DRGX: variants seen among roughly 807,000 people sequenced by gnomAD.
DRGX encodes the protein dorsal root ganglia homeobox.
A neutral mutation model predicts 28.6 loss-of-function variants in DRGX; 21 were observed. The ratio of observed to expected loss-of-function variants is 0.73; its 90% CI spans 0.52 to 1.06. The LOEUF (loss-of-function observed/expected upper bound fraction) is 1.06. Ranked by LOEUF, DRGX falls within the 50% of genes least tolerant of loss-of-function variation. DRGX has a pLI of 0.00. For missense variants in DRGX, 354 were observed against 343.9 expected (o/e 1.03, Z -0.23); for synonymous variants, 136 against 139.1 (o/e 0.98, Z 0.16).
intron 6 of DRGX, among the ~76,000 whole-genome samples, chr10:49,383,500 C>G (rs538612730): frequency 1.7e-4 from 26 of 152,312 alleles, no homozygotes; most frequent in African/African-American, 6.3e-4. Flanking sequence ...TGTCACAAAA[C>G]AGCAGGGCCA....
In DRGX at chr10:49,371,791, C is replaced by CAAAAA. The variant is rs563658320; in HGVS notation, c.527-5415_527-5411dup. On this transcript the variant is annotated intron_variant, in intron 6 of 6. Transcript: ENST00000374139. Reference sequence around the variant, plus strand: ...TGGACAACAGAGTGAGACTCCATCTCAAAAAAAAAAAAAAAAAAAAAAGCC... The same window carrying CAAAAA: ...TGGACAACAGAGTGAGACTCCATCTCAAAAAAAAAAAAAAAAAAAAAAAAAAAGCC... Among the ~76,000 whole-genome samples the CAAAAA allele has an allele frequency of 9.5e-3, 430 of 45,470 alleles. 31 individuals carry two copies. Among genetic ancestry groups the CAAAAA allele is most frequent in the African/African-American group, 0.027 (403 of 15,084 alleles). The allele number at this position is 45,470 out of a possible 152,430, so 29.8% of individuals were successfully genotyped here. A position where few individuals can be genotyped will look rare whatever the true frequency, so the allele number is the denominator to read the frequency against.
intron 2 of DRGX, among the ~76,000 whole-genome samples, chr10:49,394,519 G>C (rs1007394065): frequency 6.6e-6 from 1 of 152,352 alleles, no homozygotes; most frequent in Admixed American, 6.5e-5. Flanking sequence ...TGAGACTGCT[G>C]CTCTGCAGAA....
Position 49,386,756 on chromosome 10 carries a change from G to T in DRGX, c.337C>A (p.Pro113Thr), listed in dbSNP as rs1056640571. The stretch of plus-strand genomic sequence containing the variant: ...GGCGGGGAGTTGATGTTTCTCACTG[G>T]AGGAGGTGTCACCTCTGCCATGGGC... ...KEPMAEVTPP[P>T]VRNINSPPPG... The change falls in exon 5 of 7, where the codon CCA becomes ACA. Residue 113 changes from proline (P) to threonine (T), a missense_variant. Pro to Thr is a conservative substitution (Grantham distance 38). Coordinates refer to ENST00000374139, the MANE Select transcript of DRGX (RefSeq NM_001276451.2). 12 of 1,610,132 alleles carry T rather than the reference G, an allele frequency of 7.5e-6. No individual in the cohort carries two copies. The highest frequency in any genetic ancestry group is 1.0e-5 in the Non-Finnish European group (12 of 1,178,232).
intron 6 of DRGX, among the ~76,000 whole-genome samples, chr10:49,383,427 G>C (rs1315482058): frequency 6.6e-6 from 1 of 152,184 alleles, no homozygotes. Context: ...AGCTTTGCTG[G>C]GGGCAGGAGG....
In DRGX at chr10:49,366,084, G is replaced by T. The variant is rs779170357; in HGVS notation, c.*32C>A. 2.6e-6 allele frequency: 4 copies of T among 1,515,650 alleles called. No individual in the cohort carries two copies. Among genetic ancestry groups the T allele is most frequent in the Non-Finnish European group, 3.5e-6 (4 of 1,130,426 alleles). 93.9% of individuals were successfully genotyped at this position (1,515,650 alleles called of 1,614,324 possible). A position where few individuals can be genotyped will look rare whatever the true frequency, so the allele number is the denominator to read the frequency against. On this transcript the variant is annotated 3_prime_UTR_variant, in exon 7 of 7. Coordinates refer to ENST00000374139, the MANE Select transcript of DRGX (RefSeq NM_001276451.2). ...TGAGGCTGGGAGAAGGAGGGGCGGG[G>T]GAGGGCAGGCCGGGCGGGGCACTGT...
chr10:49,384,231 T>C (rs1231692840), intron 6 of DRGX, among the ~76,000 whole-genome samples: 1 of 152,168 alleles, frequency 6.6e-6, no homozygotes, highest in African/African-American at 2.4e-5. Flanking sequence ...AAGAGCTCAT[T>C]TGTAACTGGG....
chr10:49,393,654 G>A (rs546274073), intron 2 of DRGX, among the ~76,000 whole-genome samples: 1 of 152,306 alleles, frequency 6.6e-6, no homozygotes, highest in Admixed American at 6.5e-5. Flanking sequence ...TCCATTTGCG[G>A]GAGATCCCTT....
chr10:49,395,428 G>T lies in DRGX; in HGVS notation c.13C>A (p.His5Asn). The T allele has an allele frequency of 6.5e-7, 1 of 1,550,340 alleles. No individual in the cohort carries two copies. Among genetic ancestry groups the T allele is most frequent in the East Asian group, 2.4e-5 (1 of 40,908 alleles). MFYF[H>N]CPPQLEGTAT... is the part of the protein sequence containing the mutation. ...TTACCCTCTAGCTGTGGCGGGCAGT[G>T]GAAATAAAACATCGCCGGCTGTCAG... is the stretch of plus-strand genomic sequence containing the variant. Residue 5 changes from histidine to asparagine, a missense_variant, in exon 2 of 7, where the codon CAC becomes AAC. His to Asn is a moderately conservative substitution (Grantham distance 68). Transcript: ENST00000374139.
intron 6 of DRGX, among the ~76,000 whole-genome samples, chr10:49,377,443 C>T (rs1275769572): frequency 1.3e-5 from 2 of 152,246 alleles, no homozygotes; most frequent in Non-Finnish European, 2.9e-5. Context: ...CCAGGACTCA[C>T]ACCCACGTGC....
chr10:49,373,716 G>C (rs764164256), intron 6 of DRGX, among the ~76,000 whole-genome samples: 59 of 152,134 alleles, frequency 3.9e-4, no homozygotes, highest in Non-Finnish European at 8.1e-4. Context: ...AGAACTGTGA[G>C]AAATAAATTT....
chr10:49,395,292 G>T, intron 2 of DRGX, 115 bp downstream of exon 2: 2 of 1,336,898 alleles, frequency 1.5e-6, no homozygotes, highest in Non-Finnish European at 2.1e-6. Context: ...TCACCGGCAG[G>T]CGGCTGCGCC....
intron 2 of DRGX, chr10:49,392,005 C>A: frequency 2.6e-6 from 1 of 385,406 alleles, no homozygotes; most frequent in Non-Finnish European, 5.2e-6. Context: ...ACCACTTCTA[C>A]TTCCCCACAA....
chr10:49,383,714 T>A (rs1849802179), intron 6 of DRGX, among the ~76,000 whole-genome samples: 1 of 152,212 alleles, frequency 6.6e-6, no homozygotes, highest in Non-Finnish European at 1.5e-5. Context: ...TCGTGCCCTC[T>A]TAAGAAGAGT....
chr10:49,375,150 C>A (rs1292613741), intron 6 of DRGX, among the ~76,000 whole-genome samples: 1 of 152,194 alleles, frequency 6.6e-6, no homozygotes, highest in African/African-American at 2.4e-5. Flanking sequence ...ACACTGTCTT[C>A]TACTAAAGGA....
chr10:49,392,113 G>T (rs1849913092), intron 2 of DRGX, among the ~76,000 whole-genome samples: 1 of 152,212 alleles, frequency 6.6e-6, no homozygotes, highest in African/African-American at 2.4e-5. Context: ...TTCCAAATGT[G>T]CTCTATTTAC....
intron 6 of DRGX, among the ~76,000 whole-genome samples, chr10:49,384,529 G>A (rs990532063): frequency 2.0e-5 from 3 of 152,226 alleles, no homozygotes; most frequent in African/African-American, 7.2e-5. Context: ...GGCAGGCATG[G>A]GGCAGGCTCC....
In DRGX at chr10:49,365,824, T is replaced by C. The variant is rs1056745212; in HGVS notation, c.*292A>G. On this transcript the variant is annotated 3_prime_UTR_variant, in exon 7 of 7. Transcript: ENST00000374139. ...AGGAATCTACCTCCCTCCGAGACTC[T>C]GGGCCTGGATGGAAATCCCAGGGAG... 6.3e-6 allele frequency: 2 copies of C among 315,962 alleles called. No homozygotes were observed. The highest frequency in any genetic ancestry group is 2.2e-5 in the African/African-American group (1 of 46,506). 19.6% of individuals were successfully genotyped at this position (315,962 alleles called of 1,614,324 possible). A position where few individuals can be genotyped will look rare whatever the true frequency, so the allele number is the denominator to read the frequency against.
intron 3 of DRGX, 21 bp downstream of exon 3, chr10:49,391,143 A>G (rs776103720): frequency 3.1e-6 from 5 of 1,612,814 alleles, no homozygotes; most frequent in Non-Finnish European, 4.2e-6. Flanking sequence ...TGATGTTTGA[A>G]AGGAGAATCA....
Position 49,365,401 on chromosome 10 carries a change from A to G in DRGX, c.*715T>C, listed in dbSNP as rs899103811. On this transcript the variant is annotated 3_prime_UTR_variant, in exon 7 of 7. Coordinates refer to ENST00000374139, the MANE Select transcript of DRGX (RefSeq NM_001276451.2). Reference sequence around the variant, plus strand: ...GGTACAGGGGCCACACTAGTTCCACACCCACAGTGTCAAGACAGCAGCCCC... The same window carrying G: ...GGTACAGGGGCCACACTAGTTCCACGCCCACAGTGTCAAGACAGCAGCCCC... 3.9e-5 allele frequency: 6 copies of G among 152,246 alleles called. No individual in the cohort carries two copies. Among genetic ancestry groups the G allele is most frequent in the African/African-American group, 1.4e-4 (6 of 41,422 alleles). 9.4% of individuals were successfully genotyped at this position (152,246 alleles called of 1,614,324 possible).
Sources: gnomAD v4.1 joint callset for allele counts (sites outside exome capture counted in the v4.1 genomes callset) on GRCh38, gnomAD v4.1.1 for gene constraint, MANE v1.5 for transcripts, NCBI Gene and HGNC (gene_info 2026-07-23, HGNC 2026-07-21) for gene names.